Variants in STRBP observed in about 807,000 individuals in gnomAD.
STRBP encodes spermatid perinuclear RNA-binding protein.
In STRBP, 13 loss-of-function variants were observed where a neutral mutation model predicts 80.1. The ratio of observed to expected loss-of-function variants is 0.16; its 90% CI spans 0.11 to 0.26. The LOEUF is 0.26. Ranked by LOEUF, STRBP falls within the 10% of genes least tolerant of loss-of-function variation. The pLI is 1.00. For missense variants in STRBP, 485 were observed against 815.2 expected, an observed-to-expected ratio of 0.59 and a Z score of 4.93; for synonymous variants, 284 against 291.2, an observed-to-expected ratio of 0.98 and a Z score of 0.25.
chr9:123,176,402 G>C (rs1266528703), intron 4 of STRBP, among the ~76,000 whole-genome samples: 1 of 152,202 alleles, frequency 6.6e-6, no homozygotes, highest in East Asian at 1.9e-4. Flanking sequence ...TCTGGAGTCA[G>C]AGAAACTTCA....
intron 1 of STRBP, among the ~76,000 whole-genome samples, chr9:123,240,082 C>CTAATT (rs2040660688): frequency 6.6e-6 from 1 of 152,346 alleles, no homozygotes; most frequent in South Asian, 2.1e-4. Flanking sequence ...CTCTACCCAC[C>CTAATT]TAAGTCCTAC....
rs187087574 is a variant in STRBP at position 123,185,338 on chromosome 9, G to A, written c.-164-1040C>T. ...TCCCAATGCTTTGGGAGGCCAAGAC[G>A]GGAGGATTGCTTGAAGCCAGAAGTT... On this transcript the variant is annotated intron_variant, in intron 2 of 18. Transcript: ENST00000348403. Among the ~76,000 whole-genome samples, 252 of 152,260 alleles carry A rather than the reference G, an allele frequency of 1.7e-3. 1 individual carries two copies. The highest frequency in any genetic ancestry group is 5.8e-3 in the African/African-American group (243 of 41,548).
intron 17 of STRBP, among the ~76,000 whole-genome samples, chr9:123,131,096 C>A (rs2132308092): frequency 6.6e-6 from 1 of 152,280 alleles, no homozygotes; most frequent in South Asian, 2.1e-4. Context: ...TTTGTCCTTT[C>A]TTTATGCTAG....
intron 1 of STRBP, among the ~76,000 whole-genome samples, chr9:123,256,718 G>A (rs1009470440): frequency 2.6e-5 from 4 of 152,004 alleles, no homozygotes; most frequent in African/African-American, 9.7e-5. Context: ...ACACCATTCC[G>A]TCACAGCGCA....
intron 11 of STRBP, among the ~76,000 whole-genome samples, chr9:123,148,578 AAT>A (rs1422577679): frequency 6.6e-6 from 1 of 152,210 alleles, no homozygotes; most frequent in African/African-American, 2.4e-5. Flanking sequence ...ACATCTCTAT[AAT>A]TTAACATTTA....
rs1475329113 is a variant in STRBP, at chr9:123,128,235, T to C, written c.1921A>G (p.Ser641Gly). ...APGYGTPYGYSTAAPAYGLPK... is the reference protein window; with the variant it reads ...APGYGTPYGYGTAAPAYGLPK... ...GTACCATAGGCAGGGGCAGCTGTGC[T>C]GTAACCATATGGTGTTCCATAGCCT... Residue 641 changes from serine to glycine, a missense_variant, in exon 18 of 19, where the codon AGC (serine) becomes GGC (glycine). By Grantham distance (56) the Ser-to-Gly change is moderately conservative. Around this residue, in one of 3 missense-constraint regions of STRBP, gnomAD observed 85 missense variants for 120.1 expected, o/e 0.71. Coordinates refer to ENST00000348403, the MANE Select transcript of STRBP (RefSeq NM_018387.5). The C allele has an allele frequency of 1.2e-5, 19 of 1,614,210 alleles. No individual in the cohort carries two copies. Among genetic ancestry groups the C allele is most frequent in the Non-Finnish European group, 1.6e-5 (19 of 1,180,042 alleles).
intron 13 of STRBP, among the ~76,000 whole-genome samples, chr9:123,144,906 T>G (rs2036748948): frequency 6.6e-6 from 1 of 152,154 alleles, no homozygotes. Flanking sequence ...ATCCTATAGC[T>G]GATAAACCAA....
intron 1 of STRBP, among the ~76,000 whole-genome samples, chr9:123,241,812 A>G (rs551843967): frequency 1.3e-5 from 2 of 152,138 alleles, no homozygotes; most frequent in Non-Finnish European, 2.9e-5. Context: ...CCATACAGCA[A>G]CCTTTTCACT....
chr9:123,123,396 G>A lies in STRBP; in HGVS notation c.*2201C>T. ...CTTAATTCATTACAGAATTTAAACA[G>A]TTGAACTTGCATGGTTACCACTTCT... On this transcript the variant is annotated 3_prime_UTR_variant, in exon 19 of 19. Coordinates refer to ENST00000348403, the MANE Select transcript of STRBP (RefSeq NM_018387.5). 5 of 985,380 alleles carry A rather than the reference G, an allele frequency of 5.1e-6. No homozygotes were observed. Among genetic ancestry groups the A allele is most frequent in the Non-Finnish European group, 6.0e-6 (5 of 829,922 alleles). The allele number at this position is 985,380 out of a possible 1,614,324, so 61.0% of individuals were successfully genotyped here. A position where few individuals can be genotyped will look rare whatever the true frequency, so the allele number is the denominator to read the frequency against.
At chr9:123,218,495 G>C (rs1370322694) in intron 2 of STRBP, among the ~76,000 whole-genome samples, 5 of 148,232 alleles carry the variant, frequency 3.4e-5, no homozygotes, top group Non-Finnish European at 7.4e-5. Flanking sequence ...TCAGCCTCCC[G>C]AGTAGCTGGG....
chr9:123,144,658 T>G (rs756895952), intron 13 of STRBP, among the ~76,000 whole-genome samples: 5 of 152,236 alleles, frequency 3.3e-5, no homozygotes, highest in Non-Finnish European at 7.3e-5. Flanking sequence ...TTCCCCTCAT[T>G]TTCTAAACCA....
intron 2 of STRBP, among the ~76,000 whole-genome samples, chr9:123,219,302 A>G (rs968319580): frequency 1.3e-5 from 2 of 152,078 alleles, no homozygotes; most frequent in Admixed American, 1.3e-4. Flanking sequence ...ACTTCCCCCG[A>G]CCCAAAGAGT....
At chr9:123,139,184 AC>A (rs1470737757) in intron 14 of STRBP, among the ~76,000 whole-genome samples, 2 of 152,168 alleles carry the variant, frequency 1.3e-5, no homozygotes, top group African/African-American at 4.8e-5. Context: ...CCCATCAGTT[AC>A]TGCTGATACT....
intron 3 of STRBP, chr9:123,181,086 C>T (rs180942974): frequency 1.1e-5 from 2 of 189,372 alleles, no homozygotes; most frequent in Admixed American, 1.3e-4. Flanking sequence ...ATTTGAAAAC[C>T]TCTATCATTA....
intron 1 of STRBP, among the ~76,000 whole-genome samples, chr9:123,254,738 T>C (rs939165808): frequency 6.6e-6 from 1 of 152,174 alleles, no homozygotes; most frequent in African/African-American, 2.4e-5. Flanking sequence ...AAAATATAAA[T>C]TATCCTAAAT....
intron 2 of STRBP, among the ~76,000 whole-genome samples, chr9:123,189,432 G>A (rs987071593): frequency 5.3e-5 from 8 of 150,304 alleles, no homozygotes; most frequent in Middle Eastern, 3.3e-3. Flanking sequence ...TGCACGTTGT[G>A]CACATGTACC....
chr9:123,234,163 T>G (rs2132587122), intron 2 of STRBP, among the ~76,000 whole-genome samples: 1 of 142,302 alleles, frequency 7.0e-6, no homozygotes, highest in Admixed American at 7.4e-5. Flanking sequence ...ATCACACCAC[T>G]GCACTCCAGC....
At chr9:123,187,916 A>C (rs1179045262) in intron 2 of STRBP, among the ~76,000 whole-genome samples, 3 of 151,742 alleles carry the variant, frequency 2.0e-5, no homozygotes. Flanking sequence ...TGCATTGTAC[A>C]TTCTATGGAT....
chr9:123,242,257 T>C (rs1286678222), intron 1 of STRBP, among the ~76,000 whole-genome samples: 1 of 152,222 alleles, frequency 6.6e-6, no homozygotes, highest in East Asian at 1.9e-4. Flanking sequence ...TATCTCTTCA[T>C]TAGAATGTAA....
Sources: gnomAD v4.1 joint callset for allele counts (sites outside exome capture counted in the v4.1 genomes callset) on GRCh38, gnomAD v4.1.1 for gene constraint, gnomAD v4.1.1 regional missense constraint, MANE v1.5 for transcripts, NCBI Gene and HGNC (gene_info 2026-07-23, HGNC 2026-07-21) for gene names.